EPM2A: variants seen among roughly 807,000 people sequenced by gnomAD.
The protein encoded by EPM2A is EPM2A glucan phosphatase, laforin.
A neutral mutation model predicts 26.5 loss-of-function variants in EPM2A; 21 were observed. That is an observed-to-expected ratio of 0.79 (90% CI 0.56 to 1.14). The LOEUF (loss-of-function observed/expected upper bound fraction) is 1.14, where lower values mean the gene tolerates loss of function less well. Among genes scored for constraint, EPM2A ranks in the 50% most tolerant of loss-of-function variants. EPM2A has a pLI of 0.00. For missense variants in EPM2A, 458 were observed against 440.8 expected, an observed-to-expected ratio of 1.04 and a Z score of -0.35; for synonymous variants, 217 against 177.6, an observed-to-expected ratio of 1.22 and a Z score of -1.76.
intron 4 of EPM2A, among the ~76,000 whole-genome samples, chr6:145,417,662 T>A (rs1188891921): frequency 6.6e-6 from 1 of 152,138 alleles, no homozygotes; most frequent in Non-Finnish European, 1.5e-5. Context: ...TCTGGTATTT[T>A]CTTAAAATTG....
intron 2 of EPM2A, among the ~76,000 whole-genome samples, chr6:145,523,998 G>A (rs1041313563): frequency 1.3e-5 from 2 of 152,094 alleles, no homozygotes; most frequent in African/African-American, 4.8e-5. Context: ...TATTCCATGT[G>A]AACCCAATGC....
At chr6:145,667,190 T>A (rs2128594717) in intron 2 of EPM2A, among the ~76,000 whole-genome samples, 1 of 93,390 alleles carries the variant, frequency 1.1e-5, no homozygotes, top group African/African-American at 5.3e-5. Flanking sequence ...AAAGAGCTTC[T>A]GCACAGCAAA....
intron 4 of EPM2A, among the ~76,000 whole-genome samples, chr6:145,444,671 G>A (rs1030678340): frequency 2.6e-5 from 4 of 152,114 alleles, no homozygotes; most frequent in Admixed American, 6.5e-5. Flanking sequence ...AAAGTCCAAT[G>A]TCTGAGCTTC....
At chr6:145,492,251 C>T (rs1455179728) in intron 4 of EPM2A, among the ~76,000 whole-genome samples, 1 of 152,102 alleles carries the variant, frequency 6.6e-6, no homozygotes, top group Non-Finnish European at 1.5e-5. Flanking sequence ...CCACTGCGCT[C>T]AACCATTCAG....
intron 2 of EPM2A, among the ~76,000 whole-genome samples, chr6:145,588,713 T>C (rs73566756): frequency 0.014 from 2,128 of 152,242 alleles, 41 homozygotes; most frequent in African/African-American, 0.048. Flanking sequence ...GTGCAAGACG[T>C]TGAAGAGTTT....
intron 2 of EPM2A, among the ~76,000 whole-genome samples, chr6:145,582,817 A>G (rs367998012): frequency 6.6e-6 from 1 of 152,336 alleles, no homozygotes; most frequent in African/African-American, 2.4e-5. Flanking sequence ...GTCTGTTTAC[A>G]TAATCTCACA....
At chr6:145,674,847 T>G (rs933047346) in intron 2 of EPM2A, among the ~76,000 whole-genome samples, 1 of 151,658 alleles carries the variant, frequency 6.6e-6, no homozygotes, top group Admixed American at 6.6e-5. Context: ...TGGAACCAAG[T>G]TGGAAAACAC....
intron 2 of EPM2A, among the ~76,000 whole-genome samples, chr6:145,567,452 T>C (rs546271803): frequency 6.6e-6 from 1 of 152,206 alleles, no homozygotes. Context: ...GCCAGATCTA[T>C]TGTGTAGCTT....
intron 1 of EPM2A, among the ~76,000 whole-genome samples, chr6:145,695,913 T>C (rs115032829): frequency 1.1e-3 from 174 of 152,170 alleles, no homozygotes; most frequent in African/African-American, 4.0e-3. Flanking sequence ...TAAGGAAACA[T>C]TGGACTTTAA....
chr6:145,438,297 G>C (rs912336664), intron 4 of EPM2A, among the ~76,000 whole-genome samples: 9 of 152,080 alleles, frequency 5.9e-5, no homozygotes. Flanking sequence ...ACAGTACAGG[G>C]AGGTATTCTC....
At chr6:145,474,779 A>C (rs1779521102) in intron 4 of EPM2A, among the ~76,000 whole-genome samples, 1 of 152,196 alleles carries the variant, frequency 6.6e-6, no homozygotes. Flanking sequence ...ACAAAAGAAA[A>C]ACAAACAACC....
intron 1 of EPM2A, among the ~76,000 whole-genome samples, chr6:145,727,507 T>TA (rs554366521): frequency 0.038 from 5,407 of 142,790 alleles, 115 homozygotes; most frequent in Admixed American, 0.055. Flanking sequence ...TAGCCCATGA[T>TA]AAAAAAAAAA....
intron 2 of EPM2A, among the ~76,000 whole-genome samples, chr6:145,661,590 T>C (rs1430600342): frequency 6.6e-6 from 1 of 152,254 alleles, no homozygotes; most frequent in Non-Finnish European, 1.5e-5. Flanking sequence ...ATCAGAATGA[T>C]ACTTCTAAAC....
intron 4 of EPM2A, among the ~76,000 whole-genome samples, chr6:145,418,282 C>G (rs1778735874): frequency 6.6e-6 from 1 of 152,224 alleles, no homozygotes; most frequent in Admixed American, 6.5e-5. Flanking sequence ...TTCTTCCGCT[C>G]AGTGCTAAGT....
chr6:145,582,049 C>G (rs1781121650), intron 2 of EPM2A, among the ~76,000 whole-genome samples: 1 of 152,102 alleles, frequency 6.6e-6, no homozygotes. Context: ...AATTTGAGAT[C>G]TTTCTAACTT....
intron 1 of EPM2A, among the ~76,000 whole-genome samples, chr6:145,696,485 T>C (rs1781576533): frequency 6.6e-6 from 1 of 152,104 alleles, no homozygotes; most frequent in Non-Finnish European, 1.5e-5. Flanking sequence ...TTGATTTACT[T>C]ATTCCACATA....
At chr6:145,426,385 A>C (rs1382659164) in intron 4 of EPM2A, among the ~76,000 whole-genome samples, 1 of 152,220 alleles carries the variant, frequency 6.6e-6, no homozygotes, top group Non-Finnish European at 1.5e-5. Flanking sequence ...CCAGATTCGC[A>C]TCAAAATAAT....
intron 4 of EPM2A, among the ~76,000 whole-genome samples, chr6:145,413,522 C>T (rs546491865): frequency 6.6e-6 from 1 of 152,176 alleles, no homozygotes; most frequent in East Asian, 1.9e-4. Context: ...GGTCCATTTT[C>T]CAGCCCGTGG....
chr6:145,598,347 T>G (rs1781375712), intron 2 of EPM2A, among the ~76,000 whole-genome samples: 1 of 152,202 alleles, frequency 6.6e-6, no homozygotes, highest in South Asian at 2.1e-4. Context: ...TTATTTCATA[T>G]GTTTGTTGGC....
Sources: gnomAD v4.1 joint callset for allele counts (sites outside exome capture counted in the v4.1 genomes callset) on GRCh38, gnomAD v4.1.1 for gene constraint, MANE v1.5 for transcripts, NCBI Gene and HGNC (gene_info 2026-07-23, HGNC 2026-07-21) for gene names.